The following ARF3 variants were observed in gnomAD, a reference collection of about 807,000 sequenced individuals.
The protein encoded by ARF3 is ARF GTPase 3.
Under a neutral mutation model 19.3 loss-of-function variants are expected in ARF3, and 5 were observed. The ratio of observed to expected loss-of-function variants is 0.26; its 90% CI spans 0.14 to 0.54. The LOEUF (loss-of-function observed/expected upper bound fraction) is 0.54. ARF3 is among the 20% of genes least tolerant of loss of function. The pLI is 0.95. For missense variants in ARF3, 77 were observed against 234.2 expected, an observed-to-expected ratio of 0.33 and a Z score of 4.38; for synonymous variants, 71 against 89.2, an observed-to-expected ratio of 0.80 and a Z score of 1.15.
At chr12:48,947,167 C>T (rs1429373192) in intron 1 of ARF3, among the ~76,000 whole-genome samples, 1 of 152,120 alleles carries the variant, frequency 6.6e-6, no homozygotes, top group Admixed American at 6.6e-5. Context: ...CCTGTGTAAA[C>T]TCCAAGTTTT....
chr12:48,946,612 C>T (rs1422788629), intron 1 of ARF3, among the ~76,000 whole-genome samples: 1 of 152,190 alleles, frequency 6.6e-6, no homozygotes, highest in Non-Finnish European at 1.5e-5. Context: ...CAAATATGTG[C>T]TCTAGTACAA....
rs1412510993 is a variant in ARF3, at chr12:48,939,833, A to T, written c.260-54T>A. On this transcript the variant is annotated intron_variant, in intron 3 of 4. Coordinates refer to ENST00000256682, the MANE Select transcript of ARF3 (RefSeq NM_001659.3). The surrounding 1 kb of genome is among the most constrained non-coding windows in gnomAD (Gnocchi z 4.8). Reference sequence around the variant, plus strand: ...AGATGACAGGTAACCCCCTCCCCCCAACCAAAAGACCACACCTGCCTGACA... The same window carrying T: ...AGATGACAGGTAACCCCCTCCCCCCTACCAAAAGACCACACCTGCCTGACA... 1 of 1,610,274 alleles carries T rather than the reference A, an allele frequency of 6.2e-7. No individual in the cohort carries two copies. Among genetic ancestry groups the T allele is most frequent in the Non-Finnish European group, 8.5e-7 (1 of 1,177,454 alleles).
Position 48,939,988 on chromosome 12 carries a change from T to G in ARF3, c.259+9A>C. 1 of 1,613,048 alleles carries G rather than the reference T, an allele frequency of 6.2e-7. No homozygotes were observed. Among genetic ancestry groups the G allele is most frequent in the Non-Finnish European group, 8.5e-7 (1 of 1,178,994 alleles). ...ATACCCAACCAACCCACGCTAGGCC[T>G]GAGCATACCTTGGGTGTTCTGGAAG... On this transcript the variant is annotated intron_variant, in intron 3 of 4. Transcript: ENST00000256682. This position sits in a 1 kb window ranked among gnomAD's most constrained non-coding sequence, Gnocchi z 4.8.
At chr12:48,946,674 C>T (rs140535520) in intron 1 of ARF3, among the ~76,000 whole-genome samples, 1 of 152,288 alleles carries the variant, frequency 6.6e-6, no homozygotes, top group African/African-American at 2.4e-5. Context: ...TGATTTAAGC[C>T]TCATCTAAGG....
chr12:48,942,240 A>C (rs1940271468), intron 1 of ARF3, among the ~76,000 whole-genome samples: 1 of 148,442 alleles, frequency 6.7e-6, no homozygotes. Flanking sequence ...TTCCTGCCTC[A>C]AAGCTTTTTT....
chr12:48,940,496 C>T (rs149479670), intron 2 of ARF3, among the ~76,000 whole-genome samples: 2 of 152,196 alleles, frequency 1.3e-5, no homozygotes, highest in Admixed American at 6.5e-5. Context: ...GGGAAGTAAG[C>T]TGGCATCCTG....
chr12:48,956,545 G>A (rs1323949088), intron 1 of ARF3: 1 of 152,150 alleles, frequency 6.6e-6, no homozygotes, highest in Non-Finnish European at 1.5e-5. Context: ...CCTAAAGAAA[G>A]AAAGCGGATT....
intron 1 of ARF3, among the ~76,000 whole-genome samples, chr12:48,952,676 A>T (rs1327210546): frequency 6.6e-6 from 1 of 152,250 alleles, no homozygotes; most frequent in African/African-American, 2.4e-5. Context: ...AAACAGGAAG[A>T]CATGATGTGG....
chr12:48,940,798 A>G, intron 2 of ARF3, 150 bp downstream of exon 2: 1 of 1,024,038 alleles, frequency 9.8e-7, no homozygotes, highest in East Asian at 2.9e-5. Context: ...AGCACCTGGT[A>G]GTAAGCTAAA....
intron 2 of ARF3, 152 bp downstream of exon 2, chr12:48,940,796 G>C: frequency 9.9e-7 from 1 of 1,014,342 alleles, no homozygotes; most frequent in Non-Finnish European, 1.4e-6. Flanking sequence ...TCAGCACCTG[G>C]TAGTAAGCTA....
At chr12:48,940,349 C>G (rs538904607) in intron 2 of ARF3, among the ~76,000 whole-genome samples, 1 of 152,204 alleles carries the variant, frequency 6.6e-6, no homozygotes, top group Admixed American at 6.5e-5. Context: ...GCCTGGGTAA[C>G]GTGGGCCAAC....
In ARF3 at chr12:48,935,912, A is replaced by G. The variant is rs2272311; in HGVS notation, c.*3035T>C. 0.33 allele frequency: 50,221 copies of G among 152,086 alleles called. 9,247 individuals are homozygous for G. The highest frequency in any genetic ancestry group is 0.48 in the Admixed American group (7,285 of 15,270). 9.4% of individuals were successfully genotyped at this position (152,086 alleles called of 1,614,324 possible). On this transcript the variant is annotated 3_prime_UTR_variant, in exon 5 of 5. Coordinates refer to ENST00000256682, the MANE Select transcript of ARF3 (RefSeq NM_001659.3). ...CAGTCTACCAACAGGTGAGAAATAC[A>G]GCTGATTTCAGGTTTAAACCCTTTA...
intron 1 of ARF3, among the ~76,000 whole-genome samples, chr12:48,953,643 A>C (rs1277813269): frequency 1.3e-5 from 2 of 152,170 alleles, no homozygotes; most frequent in African/African-American, 4.8e-5. Flanking sequence ...ATAATGGTGG[A>C]TCTCTAACAT....
In ARF3 at chr12:48,939,906, G is replaced by A. The variant is rs1377153356; in HGVS notation, c.259+91C>T. 1.3e-6 allele frequency: 2 copies of A among 1,586,844 alleles called. No homozygotes were observed. Among genetic ancestry groups the A allele is most frequent in the Non-Finnish European group, 1.7e-6 (2 of 1,156,340 alleles). On this transcript the variant is annotated intron_variant, in intron 3 of 4. Transcript: ENST00000256682. The surrounding 1 kb of genome is among the most constrained non-coding windows in gnomAD (Gnocchi z 4.8). The stretch of plus-strand genomic sequence containing the variant: ...TCCTCCCTTTCTTCTGCCCCCAGGA[G>A]CTGCAGCAGGGTAACAGTTGGCCAC...
rs2137574796 is a variant in ARF3 at position 48,938,800 on chromosome 12, A to AG, written c.*146dup. The AG allele has an allele frequency of 5.1e-6, 5 of 976,210 alleles. No individual in the cohort carries two copies. The highest frequency in any genetic ancestry group is 1.6e-5 in the African/African-American group (1 of 60,970). 60.5% of individuals were successfully genotyped at this position (976,210 alleles called of 1,614,324 possible). ...GTGGACAGGAAAAAGGAGGGGAGGC[A>AG]GGGGAGGCAAGGCTCTTGCTGGGCA... On this transcript the variant is annotated 3_prime_UTR_variant, in exon 5 of 5. Coordinates refer to ENST00000256682, the MANE Select transcript of ARF3 (RefSeq NM_001659.3).
Position 48,937,872 on chromosome 12 carries a change from G to C in ARF3, c.*1075C>G, listed in dbSNP as rs549823697. 6 of 156,002 alleles carry C rather than the reference G, an allele frequency of 3.8e-5. No homozygotes were observed. The highest frequency in any genetic ancestry group is 1.4e-4 in the African/African-American group (6 of 41,626). The allele number at this position is 156,002 out of a possible 1,614,324, so 9.7% of individuals were successfully genotyped here. ...ACCCCTAAGATCAGAAGGGTGGTGG[G>C]GCACTGGAAGGCAGGAATGGGATTG... On this transcript the variant is annotated 3_prime_UTR_variant, in exon 5 of 5. Coordinates refer to ENST00000256682, the MANE Select transcript of ARF3 (RefSeq NM_001659.3).
Position 48,936,024 on chromosome 12 carries a change from A to G in ARF3, c.*2923T>C, listed in dbSNP as rs1940137189. ...CCGCCGCGGGGTATGATGGGAAGAA[A>G]TAACCAGTGTGGAGTGGCACTAAGT... On this transcript the variant is annotated 3_prime_UTR_variant, in exon 5 of 5. Coordinates refer to ENST00000256682, the MANE Select transcript of ARF3 (RefSeq NM_001659.3). 1 of 152,242 alleles carries G rather than the reference A, an allele frequency of 6.6e-6. No individual in the cohort carries two copies. Among genetic ancestry groups the G allele is most frequent in the Non-Finnish European group, 1.5e-5 (1 of 68,056 alleles). The allele number at this position is 152,242 out of a possible 1,614,324, so 9.4% of individuals were successfully genotyped here. A position where few individuals can be genotyped will look rare whatever the true frequency, so the allele number is the denominator to read the frequency against.
intron 1 of ARF3, among the ~76,000 whole-genome samples, chr12:48,947,586 G>A (rs1315061791): frequency 2.0e-5 from 3 of 152,124 alleles, no homozygotes; most frequent in African/African-American, 2.4e-5. Context: ...GATTACAGGC[G>A]TGGGCCACCG....
At chr12:48,946,047 C>T (rs1940352515) in intron 1 of ARF3, among the ~76,000 whole-genome samples, 1 of 152,210 alleles carries the variant, frequency 6.6e-6, no homozygotes, top group Admixed American at 6.5e-5. Flanking sequence ...AAGCAATCCA[C>T]CTGCCTTGGC....
Sources: allele counts gnomAD v4.1 joint callset (sites outside exome capture counted in the v4.1 genomes callset), GRCh38; gene constraint gnomAD v4.1.1; non-coding constraint Gnocchi (gnomAD v3.1); transcripts MANE v1.5; gene names NCBI Gene and HGNC (gene_info 2026-07-23, HGNC 2026-07-21).